The following BRWD3 variants were observed in gnomAD, a reference collection of about 807,000 sequenced individuals.
BRWD3 encodes the protein bromodomain and WD repeat domain containing 3, also known as bromodomain and WD repeat-containing protein 3.
A neutral mutation model predicts 149.7 loss-of-function variants in BRWD3; 10 were observed. The ratio of observed to expected loss-of-function variants is 0.07; its 90% CI spans 0.04 to 0.11. The LOEUF is 0.11. Ranked by LOEUF, BRWD3 falls within the 10% of genes least tolerant of loss-of-function variation. The pLI, the probability that BRWD3 is intolerant of heterozygous loss-of-function variation, is 1.00. For missense variants in BRWD3, 940 were observed against 1,373.2 expected, an observed-to-expected ratio of 0.68 and a Z score of 4.99; for synonymous variants, 504 against 456.7, an observed-to-expected ratio of 1.10 and a Z score of -1.32.
At chrX:80,805,507 G>C (rs2074340563) in intron 4 of BRWD3, among the ~76,000 whole-genome samples, 1 of 111,461 alleles carries the variant, frequency 9.0e-6, no homozygotes, top group Non-Finnish European at 1.9e-5. Context: ...AGTTTGTAAT[G>C]CTGCTATATA....
chrX:80,769,246 T>C (rs994325454), intron 6 of BRWD3, among the ~76,000 whole-genome samples: 8 of 111,572 alleles, frequency 7.2e-5, no homozygotes, highest in Admixed American at 3.8e-4. Context: ...GCAGACCTAA[T>C]AGACATCTAC....
At chrX:80,735,795 C>G (rs1175344043) in intron 9 of BRWD3, among the ~76,000 whole-genome samples, 193 bp downstream of exon 9, 1 of 96,391 alleles carries the variant, frequency 1.0e-5, no homozygotes, top group Non-Finnish European at 2.0e-5. Flanking sequence ...CAGAGCGAGA[C>G]TCTGTCTCAA....
intron 6 of BRWD3, among the ~76,000 whole-genome samples, chrX:80,762,315 C>G (rs2073812079): frequency 9.0e-6 from 1 of 111,532 alleles, no homozygotes; most frequent in African/African-American, 3.3e-5. Context: ...AACTAAGGAC[C>G]ATGTTGATGA....
intron 11 of BRWD3, among the ~76,000 whole-genome samples, 184 bp from the exon 12 acceptor site, chrX:80,733,680 C>T: frequency 9.2e-6 from 1 of 109,187 alleles, no homozygotes; most frequent in Non-Finnish European, 1.9e-5. Flanking sequence ...GGAAACAAAC[C>T]AGACATAGGG....
chrX:80,698,575 G>C (rs946313042), intron 25 of BRWD3, among the ~76,000 whole-genome samples: 9 of 110,258 alleles, frequency 8.2e-5, no homozygotes, highest in African/African-American at 3.0e-4. Context: ...CAGGCGTGGT[G>C]GTGGGTGCAT....
chrX:80,770,550 AAC>A, intron 6 of BRWD3, among the ~76,000 whole-genome samples: 1 of 111,256 alleles, frequency 9.0e-6, no homozygotes, highest in African/African-American at 3.3e-5. Flanking sequence ...AAAATTCAAC[AAC>A]GCTTCATGCT....
At chrX:80,712,075 AT>A (rs1311711843) in intron 20 of BRWD3, among the ~76,000 whole-genome samples, 1 of 111,825 alleles carries the variant, frequency 8.9e-6, no homozygotes, top group African/African-American at 3.3e-5. Flanking sequence ...TTTAGAATAA[AT>A]TTAGTCCAAT....
At chrX:80,793,819 T>A in intron 4 of BRWD3, 47 bp from the exon 5 acceptor site, 2 of 1,083,249 alleles carry the variant, frequency 1.8e-6, no homozygotes, top group Non-Finnish European at 2.5e-6. Context: ...TTATTTGGTT[T>A]AAAAATATAA....
At chrX:80,679,300 G>C (rs2072411835) in intron 40 of BRWD3, among the ~76,000 whole-genome samples, 1 of 112,323 alleles carries the variant, frequency 8.9e-6, no homozygotes, top group African/African-American at 3.2e-5. Context: ...CTAGGTATGA[G>C]GGATAAATGA....
rs751043981 is a variant in BRWD3, at chrX:80,719,523, A to G, written c.2010T>C (p.His670=). 5 of 1,209,420 alleles carry G rather than the reference A, an allele frequency of 4.1e-6. No individual in the cohort carries two copies. Among genetic ancestry groups the G allele is most frequent in the Non-Finnish European group, 5.6e-6 (5 of 893,642 alleles). ...LRLINEGDVP[H]LPVNRAYSVN... The stretch of plus-strand genomic sequence containing the variant: ...CAGAGTATGCTCTATTAACTGGTAA[A>G]TGTGGAACATCTCCTTCATTAATTA... The change falls in exon 18 of 41, where the codon CAT becomes CAC. Residue 670 remains histidine, a synonymous_variant. Transcript: ENST00000373275.
At chrX:80,733,838 T>C (rs2073368531) in intron 11 of BRWD3, among the ~76,000 whole-genome samples, 1 of 111,569 alleles carries the variant, frequency 9.0e-6, no homozygotes, top group Non-Finnish European at 1.9e-5. Context: ...TACACATAAT[T>C]TTATTAATGT....
At chrX:80,743,929 C>T (rs2073555860) in intron 8 of BRWD3, 103 bp downstream of exon 8, 1 of 690,868 alleles carries the variant, frequency 1.4e-6, no homozygotes, top group South Asian at 2.9e-5. Context: ...GAGCATTTTT[C>T]TCTTGTTATT....
intron 6 of BRWD3, among the ~76,000 whole-genome samples, chrX:80,790,273 G>A (rs1011916006): frequency 2.8e-5 from 3 of 107,611 alleles, no homozygotes; most frequent in African/African-American, 1.0e-4. Context: ...AAACTGATTG[G>A]TTTGAAAGTA....
intron 4 of BRWD3, 104 bp from the exon 5 acceptor site, chrX:80,793,876 A>C (rs751567425): frequency 3.4e-6 from 3 of 886,900 alleles, no homozygotes; most frequent in African/African-American, 4.0e-5. Context: ...AGCAAAGTAC[A>C]GTTTTAAAAT....
intron 36 of BRWD3, among the ~76,000 whole-genome samples, chrX:80,684,939 C>A (rs1470084022): frequency 9.1e-6 from 1 of 110,087 alleles, no homozygotes; most frequent in African/African-American, 3.3e-5. Flanking sequence ...AGGAAAAAGC[C>A]AAAAAGCCAG....
intron 4 of BRWD3, among the ~76,000 whole-genome samples, chrX:80,796,468 C>T (rs2074240780): frequency 8.9e-6 from 1 of 111,867 alleles, no homozygotes; most frequent in South Asian, 3.7e-4. Context: ...GAAAAAATCT[C>T]AAATTCTCGT....
chrX:80,795,429 GTATA>G (rs1421952387), intron 4 of BRWD3, among the ~76,000 whole-genome samples: 1 of 108,598 alleles, frequency 9.2e-6, no homozygotes, highest in Non-Finnish European at 1.9e-5. Context: ...ATACACATAT[GTATA>G]TATACACGTA....
chrX:80,712,888 AGAAG>A (rs2073005977), intron 20 of BRWD3, among the ~76,000 whole-genome samples: 1 of 90,278 alleles, frequency 1.1e-5, no homozygotes, highest in Admixed American at 1.2e-4. Flanking sequence ...GCCCCGTCTG[AGAAG>A]TGAGGAGCCC....
intron 6 of BRWD3, among the ~76,000 whole-genome samples, chrX:80,781,410 T>A (rs1174391072): frequency 9.0e-6 from 1 of 111,023 alleles, no homozygotes; most frequent in East Asian, 2.8e-4. Context: ...TGCAAGCCCC[T>A]TGTTTAAAGG....
Sources: allele counts gnomAD v4.1 joint callset (sites outside exome capture counted in the v4.1 genomes callset), GRCh38; gene constraint gnomAD v4.1.1; transcripts MANE v1.5; gene names NCBI Gene and HGNC (gene_info 2026-07-23, HGNC 2026-07-21).